Variants in OR2T4 observed in about 807,000 individuals in gnomAD.
The protein encoded by OR2T4 is olfactory receptor family 2 subfamily T member 4.
For missense variants in OR2T4, 374 were observed against 395.6 expected (o/e 0.95, Z 0.46); for synonymous variants, 149 against 145.6 (o/e 1.02, Z -0.17).
chr1:248,362,277 TTGTGC>T lies in OR2T4; in HGVS notation c.618_622del (p.Cys207ProfsTer65). The T allele has an allele frequency of 6.2e-7, 1 of 1,614,172 alleles. No individual in the cohort carries two copies. The highest frequency in any genetic ancestry group is 1.3e-5 in the African/African-American group (1 of 75,050). The stretch of plus-strand genomic sequence containing the variant: ...CTCACTCTATGAGATTTTCATGTAC[TTGTGC>T]TGTGTCCTCATGCTCCTCATCCCTG... On this transcript the variant is annotated frameshift_variant, in exon 1 of 1. Coordinates refer to ENST00000366473, the MANE Select transcript of OR2T4 (RefSeq NM_001004696.2). LOFTEE classifies it low-confidence loss of function (END_TRUNC).
chr1:248,362,492 G>A lies in OR2T4; in HGVS notation c.828G>A (p.Met276Ile). Residue 276 changes from methionine (M) to isoleucine (I), a missense_variant, in exon 1 of 1, where the codon ATG becomes ATA. By Grantham distance (10) the Met-to-Ile change is conservative (BLOSUM62 1). Coordinates refer to ENST00000366473, the MANE Select transcript of OR2T4 (RefSeq NM_001004696.2). ...CCTACCACACCCCTGAGAAGGACAT[G>A]ATGGTATCTGTCTTCTATACCATCC... The part of the protein sequence containing the change: ...PSSYHTPEKD[M>I]MVSVFYTILT... The A allele has an allele frequency of 6.2e-7, 1 of 1,614,170 alleles. No individual in the cohort carries two copies. Among genetic ancestry groups the A allele is most frequent in the Non-Finnish European group, 8.5e-7 (1 of 1,180,020 alleles).
Position 248,362,187 on chromosome 1 carries a change from T to A in OR2T4, c.523T>A (p.Ser175Thr). The change falls in exon 1 of 1, where the codon TCC (serine) becomes ACC (threonine). Residue 175 changes from serine (S) to threonine (T), a missense_variant. Coordinates refer to ENST00000366473, the MANE Select transcript of OR2T4 (RefSeq NM_001004696.2). Reference protein sequence around the residue: ...PITMTFPFRGSREIHHFFCEV... With the variant: ...PITMTFPFRGTREIHHFFCEV... The stretch of plus-strand genomic sequence containing the variant: ...CACCATGACCTTCCCCTTCCGTGGA[T>A]CCCGGGAGATTCATCATTTCTTCTG... 2 of 1,614,200 alleles carry A rather than the reference T, an allele frequency of 1.2e-6. No individual in the cohort carries two copies. The highest frequency in any genetic ancestry group is 4.5e-5 in the East Asian group (2 of 44,876).
At position 248,361,759 on chromosome 1, in the gene OR2T4, G is replaced by A; in HGVS notation, c.95G>A (p.Cys32Tyr). ...FRQSKHPALL[C>Y]VVIFVVFLMA... is the part of the protein sequence containing the mutation. ...CAATCCAAACATCCAGCACTACTTT[G>A]TGTGGTCATTTTTGTGGTTTTCCTG... The change falls in exon 1 of 1, where the codon TGT becomes TAT. Residue 32 changes from cysteine to tyrosine, a missense_variant. Physicochemically the swap from Cys to Tyr is radical, Grantham distance 194. Coordinates refer to ENST00000366473, the MANE Select transcript of OR2T4 (RefSeq NM_001004696.2). 2 of 1,611,236 alleles carry A rather than the reference G, an allele frequency of 1.2e-6. No individual in the cohort carries two copies. Among genetic ancestry groups the A allele is most frequent in the Non-Finnish European group, 1.7e-6 (2 of 1,178,006 alleles).
Position 248,362,057 on chromosome 1 carries a change from C to T in OR2T4, c.393C>T (p.Cys131=). 6.2e-7 allele frequency: 1 copy of T among 1,614,122 alleles called. No individual in the cohort carries two copies. The highest frequency in any genetic ancestry group is 1.7e-5 in the Admixed American group (1 of 60,022). ...CCTATGACCGCTACGTGGCCATCTG[C>T]CATCCTCTCCGTTACCCTGTCCTCA... ...TMAYDRYVAI[C]HPLRYPVLMN... Residue 131 remains cysteine (C), a synonymous_variant, in exon 1 of 1, where the codon TGC becomes TGT. Coordinates refer to ENST00000366473, the MANE Select transcript of OR2T4 (RefSeq NM_001004696.2).
Position 248,362,386 on chromosome 1 carries a change from C to A in OR2T4, c.722C>A (p.Ala241Asp). Reference protein sequence around the residue: ...GMNSAEGRKKAFATCSSHLTV... With the variant: ...GMNSAEGRKKDFATCSSHLTV... ...AACTCAGCAGAGGGCCGGAAAAAGG[C>A]CTTTGCCACCTGCTCCTCCCACCTG... The change falls in exon 1 of 1, where the codon GCC (alanine) becomes GAC (aspartate). Residue 241 changes from alanine to aspartate, a missense_variant. Physicochemically the swap from Ala to Asp is moderately radical, Grantham distance 126. Transcript: ENST00000366473. 6.2e-7 allele frequency: 1 copy of A among 1,614,046 alleles called. No individual in the cohort carries two copies. Among genetic ancestry groups the A allele is most frequent in the Admixed American group, 1.7e-5 (1 of 60,008 alleles).
In OR2T4 at chr1:248,361,832, C is replaced by T. The variant is rs745887066; in HGVS notation, c.168C>T (p.Asp56=). 10 of 1,614,080 alleles carry T rather than the reference C, an allele frequency of 6.2e-6. No individual in the cohort carries two copies. The highest frequency in any genetic ancestry group is 3.3e-4 in the Middle Eastern group (2 of 6,062). ...TCCTGATCCTTCTGATACACTGTGA[C>T]GCCCACCTCCACACCCCCATGTACT... is the stretch of plus-strand genomic sequence containing the variant. ...NAVLILLIHC[D]AHLHTPMYFF... Residue 56 remains aspartate (D), a synonymous_variant, in exon 1 of 1, where the codon GAC becomes GAT. Coordinates refer to ENST00000366473, the MANE Select transcript of OR2T4 (RefSeq NM_001004696.2).
chr1:248,362,544 T>C lies in OR2T4; in HGVS notation c.880T>C (p.Tyr294His), dbSNP rs769671034. ...ILTPVVNPLI[Y>H]SLRNKDVMGA... ...CACTCCAGTGGTGAACCCTTTAATCTATAGTCTTAGGAATAAGGATGTCAT... is the reference window on the plus strand; with the variant it reads ...CACTCCAGTGGTGAACCCTTTAATCCATAGTCTTAGGAATAAGGATGTCAT... The change falls in exon 1 of 1, where the codon TAT becomes CAT. Residue 294 changes from tyrosine (Y) to histidine (H), a missense_variant. Coordinates refer to ENST00000366473, the MANE Select transcript of OR2T4 (RefSeq NM_001004696.2). The C allele has an allele frequency of 6.2e-7, 1 of 1,614,162 alleles. No homozygotes were observed. The highest frequency in any genetic ancestry group is 2.2e-5 in the East Asian group (1 of 44,868).
In OR2T4 at chr1:248,362,165, C is replaced by T; in HGVS notation, c.501C>T (p.Thr167=). ...SVDGFTFTPI[T]MTFPFRGSRE... is the part of the protein sequence containing the mutation. ...ATGGCTTCACATTCACTCCCATCAC[C>T]ATGACCTTCCCCTTCCGTGGATCCC... The change falls in exon 1 of 1, where the codon ACC becomes ACT. Residue 167 remains threonine, a synonymous_variant. Transcript: ENST00000366473. 6.2e-6 allele frequency: 10 copies of T among 1,614,218 alleles called. No individual in the cohort carries two copies. The highest frequency in any genetic ancestry group is 7.6e-6 in the Non-Finnish European group (9 of 1,180,034).
At position 248,362,568 on chromosome 1, in the gene OR2T4, A is replaced by G; in HGVS notation, c.904A>G (p.Met302Val). The G allele has an allele frequency of 2.5e-6, 4 of 1,614,156 alleles. No individual in the cohort carries two copies. The highest frequency in any genetic ancestry group is 2.5e-6 in the Non-Finnish European group (3 of 1,180,006). Residue 302 changes from methionine to valine, a missense_variant, in exon 1 of 1, where the codon ATG becomes GTG. Physicochemically the swap from Met to Val is conservative, Grantham distance 21. Transcript: ENST00000366473. ...LIYSLRNKDVMGALKKMLTVE... is the reference protein window; with the variant it reads ...LIYSLRNKDVVGALKKMLTVE... ...CTATAGTCTTAGGAATAAGGATGTC[A>G]TGGGGGCTCTGAAGAAAATGTTAAC... is the stretch of plus-strand genomic sequence containing the variant.
Position 248,362,366 on chromosome 1 carries a change from A to C in OR2T4, c.702A>C (p.Ser234=). The C allele has an allele frequency of 6.2e-7, 1 of 1,614,022 alleles. No homozygotes were observed. The highest frequency in any genetic ancestry group is 1.1e-5 in the South Asian group (1 of 91,078). ...TCCTCACCATCCACGGGATGAACTCAGCAGAGGGCCGGAAAAAGGCCTTTG... is the reference window on the plus strand; with the variant it reads ...TCCTCACCATCCACGGGATGAACTCCGCAGAGGGCCGGAAAAAGGCCTTTG... ...LILLTIHGMN[S]AEGRKKAFAT... The change falls in exon 1 of 1, where the codon TCA becomes TCC. Residue 234 remains serine, a synonymous_variant. Transcript: ENST00000366473.
In OR2T4 at chr1:248,361,715, C is replaced by T. The variant is rs1660690075; in HGVS notation, c.51C>T (p.Ile17=). 6 of 1,208,912 alleles carry T rather than the reference C, an allele frequency of 5.0e-6. 1 individual carries two copies. Among genetic ancestry groups the T allele is most frequent in the Non-Finnish European group, 6.6e-6 (6 of 913,538 alleles). 74.9% of individuals were successfully genotyped at this position (1,208,912 alleles called of 1,614,324 possible). A position where few individuals can be genotyped will look rare whatever the true frequency, so the allele number is the denominator to read the frequency against. ...ACCACACTGGATGGTCGGATTTCAT[C>T]CTGTTGGGACTCTTCAGACAATCCA... ...MANHTGWSDF[I]LLGLFRQSKH... The change falls in exon 1 of 1, where the codon ATC becomes ATT. Residue 17 remains isoleucine (I), a synonymous_variant. Transcript: ENST00000366473.
chr1:248,362,603 T>A lies in OR2T4; in HGVS notation c.939T>A (p.Pro313=). 1 of 1,614,122 alleles carries A rather than the reference T, an allele frequency of 6.2e-7. No individual in the cohort carries two copies. ...GALKKMLTVE[P]AFQKAME ...TGAAGAAAATGTTAACAGTGGAACC[T>A]GCCTTTCAAAAAGCTATGGAGTAGA... is the stretch of plus-strand genomic sequence containing the variant. Residue 313 remains proline (P), a synonymous_variant, in exon 1 of 1, where the codon CCT becomes CCA. Transcript: ENST00000366473.
rs1330594565 is a variant in OR2T4 at position 248,362,591 on chromosome 1, A to C, written c.927A>C (p.Leu309Phe). Residue 309 changes from leucine to phenylalanine, a missense_variant, in exon 1 of 1, where the codon TTA (leucine) becomes TTC (phenylalanine). Coordinates refer to ENST00000366473, the MANE Select transcript of OR2T4 (RefSeq NM_001004696.2). ...TCATGGGGGCTCTGAAGAAAATGTT[A>C]ACAGTGGAACCTGCCTTTCAAAAAG... ...KDVMGALKKM[L>F]TVEPAFQKAM... 1 of 1,614,162 alleles carries C rather than the reference A, an allele frequency of 6.2e-7. No homozygotes were observed. The highest frequency in any genetic ancestry group is 2.2e-5 in the East Asian group (1 of 44,874).
In OR2T4 at chr1:248,361,703, G is replaced by A; in HGVS notation, c.39G>A (p.Trp13Ter). ...CCTGGATGGCCAACCACACTGGATG[G>A]TCGGATTTCATCCTGTTGGGACTCT... is the stretch of plus-strand genomic sequence containing the variant. Reference protein sequence around the residue: ...NITWMANHTGWSDFILLGLFR... With the variant: ...NITWMANHTG The change falls in exon 1 of 1, where the codon TGG becomes TGA. Residue 13 changes from tryptophan to a stop codon, truncating the protein, a stop_gained. Transcript: ENST00000366473. LOFTEE classifies it low-confidence loss of function (END_TRUNC). 5.6e-6 allele frequency: 7 copies of A among 1,253,038 alleles called. No individual in the cohort carries two copies. Among genetic ancestry groups the A allele is most frequent in the Non-Finnish European group, 7.4e-6 (7 of 950,514 alleles). 77.6% of individuals were successfully genotyped at this position (1,253,038 alleles called of 1,614,324 possible). A position where few individuals can be genotyped will look rare whatever the true frequency, so the allele number is the denominator to read the frequency against.
rs773939008 is a variant in OR2T4 at position 248,362,033 on chromosome 1, C to G, written c.369C>G (p.Ala123=). ...GSEFFLLATM[A]YDRYVAICHP... ...AATTTTTCCTTCTAGCCACCATGGC[C>G]TATGACCGCTACGTGGCCATCTGCC... Residue 123 remains alanine (A), a synonymous_variant, in exon 1 of 1, where the codon GCC becomes GCG. Transcript: ENST00000366473. The G allele has an allele frequency of 8.1e-6, 13 of 1,611,686 alleles. No individual in the cohort carries two copies. In the Admixed American group the frequency reaches 2.2e-4, roughly 27 times the overall value.
chr1:248,362,512 C>T lies in OR2T4; in HGVS notation c.848C>T (p.Thr283Ile). 1 of 1,614,146 alleles carries T rather than the reference C, an allele frequency of 6.2e-7. No individual in the cohort carries two copies. ...EKDMMVSVFY[T>I]ILTPVVNPLI... is the part of the protein sequence containing the mutation. ...GACATGATGGTATCTGTCTTCTATA[C>T]CATCCTCACTCCAGTGGTGAACCCT... Residue 283 changes from threonine (T) to isoleucine (I), a missense_variant, in exon 1 of 1, where the codon ACC (threonine) becomes ATC (isoleucine). By Grantham distance (89) the Thr-to-Ile change is moderately conservative. Transcript: ENST00000366473.
In OR2T4 at chr1:248,361,763, G is replaced by A; in HGVS notation, c.99G>A (p.Val33=). The A allele has an allele frequency of 6.2e-7, 1 of 1,612,182 alleles. No homozygotes were observed. The highest frequency in any genetic ancestry group is 8.5e-7 in the Non-Finnish European group (1 of 1,178,770). ...CCAAACATCCAGCACTACTTTGTGT[G>A]GTCATTTTTGTGGTTTTCCTGATGG... ...RQSKHPALLC[V]VIFVVFLMAL... is the part of the protein sequence containing the mutation. The change falls in exon 1 of 1, where the codon GTG becomes GTA. Residue 33 remains valine (V), a synonymous_variant. Transcript: ENST00000366473.
chr1:248,362,601 C>G lies in OR2T4; in HGVS notation c.937C>G (p.Pro313Ala), dbSNP rs368488217. The change falls in exon 1 of 1, where the codon CCT (proline) becomes GCT (alanine). Residue 313 changes from proline to alanine, a missense_variant. Coordinates refer to ENST00000366473, the MANE Select transcript of OR2T4 (RefSeq NM_001004696.2). ...TCTGAAGAAAATGTTAACAGTGGAA[C>G]CTGCCTTTCAAAAAGCTATGGAGTA... ...GALKKMLTVE[P>A]AFQKAME The G allele has an allele frequency of 6.2e-7, 1 of 1,614,060 alleles. No homozygotes were observed. Among genetic ancestry groups the G allele is most frequent in the Non-Finnish European group, 8.5e-7 (1 of 1,179,962 alleles).
At position 248,362,092 on chromosome 1, in the gene OR2T4, G is replaced by A; in HGVS notation, c.428G>A (p.Arg143Lys). Residue 143 changes from arginine to lysine, a missense_variant, in exon 1 of 1, where the codon AGG (arginine) becomes AAG (lysine). Physicochemically the swap from Arg to Lys is conservative, Grantham distance 26. Coordinates refer to ENST00000366473, the MANE Select transcript of OR2T4 (RefSeq NM_001004696.2). ...PLRYPVLMNH[R>K]VCLFLSSGCW... Reference sequence around the variant, plus strand: ...CGTTACCCTGTCCTCATGAACCATAGGGTGTGTCTCTTCCTGTCATCAGGC... The same window carrying A: ...CGTTACCCTGTCCTCATGAACCATAAGGTGTGTCTCTTCCTGTCATCAGGC... 6.2e-7 allele frequency: 1 copy of A among 1,614,160 alleles called. No individual in the cohort carries two copies. Among genetic ancestry groups the A allele is most frequent in the South Asian group, 1.1e-5 (1 of 91,080 alleles).
Sources: allele counts gnomAD v4.1 joint callset, GRCh38; gene constraint gnomAD v4.1.1; transcripts MANE v1.5; gene names NCBI Gene and HGNC (gene_info 2026-07-23, HGNC 2026-07-21).